Variants in PARVB observed in about 807,000 individuals in gnomAD.
The protein encoded by PARVB is parvin beta.
A neutral mutation model predicts 47.0 loss-of-function variants in PARVB; 46 were observed. That is an observed-to-expected ratio of 0.98 (90% CI 0.77 to 1.25). The LOEUF (loss-of-function observed/expected upper bound fraction) is 1.25, where lower values mean the gene tolerates loss of function less well. Among genes scored for constraint, PARVB ranks in the 50% most tolerant of loss-of-function variants. The probability of loss-of-function intolerance (pLI) is 0.00; values close to 1 mark genes in which losing one functional copy is unlikely to be tolerated. For synonymous variants in PARVB, 196 were observed against 196.3 expected (o/e 1.00, Z 0.01); for missense variants, 473 against 471.6 (o/e 1.00, Z -0.03).
At chr22:44,130,570 A>G (rs545433860) in intron 4 of PARVB, among the ~76,000 whole-genome samples, 23 of 152,326 alleles carry the variant, frequency 1.5e-4, no homozygotes, top group African/African-American at 5.1e-4. Context: ...TTCTGTGAAT[A>G]TCTAATCTAA....
chr22:43,999,439 G>A lies in PARVB; in HGVS notation c.71+28G>A. On this transcript the variant is annotated intron_variant, in intron 1 of 13. Transcript: ENST00000406477. ...GAGCTGTGATTTAAACAAAACGAAT[G>A]TTGTTAAAATCAGGTTGTACTCAGA... The A allele has an allele frequency of 1.9e-6, 3 of 1,595,328 alleles. No homozygotes were observed. In the South Asian group the frequency reaches 3.3e-5, roughly 18 times the overall value.
Position 44,096,110 on chromosome 22 carries a change from C to T in PARVB, c.202+2093C>T, listed in dbSNP as rs530364516. On this transcript the variant is annotated intron_variant, in intron 2 of 12. Transcript: ENST00000338758. ...TGTGGTGGCAAACACCTGAAATCCC[C>T]GCTACCTGGGAGGCTAAGTCAGGAG... Among the ~76,000 whole-genome samples, 7 of 152,250 alleles carry T rather than the reference C, an allele frequency of 4.6e-5. No homozygotes were observed. The East Asian group carries it at 5.8e-4, about 13-fold the overall frequency.
chr22:44,121,379 G>A (rs994047256), intron 4 of PARVB, among the ~76,000 whole-genome samples: 4 of 151,950 alleles, frequency 2.6e-5, no homozygotes, highest in African/African-American at 9.7e-5. Context: ...CCCATGATGC[G>A]CTCCCCATGA....
chr22:44,081,321 G>A (rs1279022650), intron 1 of PARVB, among the ~76,000 whole-genome samples: 1 of 152,174 alleles, frequency 6.6e-6, no homozygotes, highest in East Asian at 1.9e-4. Flanking sequence ...CTCCTGTTGG[G>A]GGAAGCTTTC....
chr22:44,164,575 G>C (rs1433046907), intron 12 of PARVB, among the ~76,000 whole-genome samples: 1 of 152,218 alleles, frequency 6.6e-6, no homozygotes, highest in Non-Finnish European at 1.5e-5. Context: ...GGGCAGAGCT[G>C]AACATTAAAG....
At chr22:44,056,854 G>A (rs2051320897) in intron 1 of PARVB, among the ~76,000 whole-genome samples, 1 of 151,298 alleles carries the variant, frequency 6.6e-6, no homozygotes, top group Non-Finnish European at 1.5e-5. Context: ...CTCAGGTGGT[G>A]AGGGTGACTG....
At chr22:44,077,921 C>T (rs563372087) in intron 1 of PARVB, among the ~76,000 whole-genome samples, 9 of 152,176 alleles carry the variant, frequency 5.9e-5, no homozygotes, top group Non-Finnish European at 1.2e-4. Context: ...TGGTTTCGAA[C>T]TCCTGACCTC....
At chr22:44,041,265 G>A (rs1296680591) in intron 1 of PARVB, among the ~76,000 whole-genome samples, 1 of 151,994 alleles carries the variant, frequency 6.6e-6, no homozygotes, top group Non-Finnish European at 1.5e-5. Context: ...GCCGAGGCGG[G>A]TGGATCACTT....
At chr22:44,151,028 T>TAAAAA in intron 9 of PARVB, 1 of 39,006 alleles carries the variant, frequency 2.6e-5, no homozygotes, top group African/African-American at 1.7e-4. Context: ...TGAGACTGTC[T>TAAAAA]CAAAAAAAAA....
chr22:44,026,891 G>A (rs1219786443), intron 1 of PARVB, among the ~76,000 whole-genome samples: 1 of 152,144 alleles, frequency 6.6e-6, no homozygotes, highest in African/African-American at 2.4e-5. Flanking sequence ...AGGCAGGGGT[G>A]TGACAAGGCA....
chr22:44,156,944 G>A (rs973137125), intron 10 of PARVB, among the ~76,000 whole-genome samples: 1 of 152,184 alleles, frequency 6.6e-6, no homozygotes, highest in African/African-American at 2.4e-5. Flanking sequence ...GGAGATGGGT[G>A]GTGGTGAGGG....
At chr22:44,027,114 G>T (rs1040248651) in intron 1 of PARVB, among the ~76,000 whole-genome samples, 2 of 152,216 alleles carry the variant, frequency 1.3e-5, no homozygotes, top group Admixed American at 6.5e-5. Context: ...ACGAACTGTG[G>T]GCATTCAGAA....
chr22:44,040,595 T>G (rs1284139555), intron 1 of PARVB, among the ~76,000 whole-genome samples: 1 of 152,126 alleles, frequency 6.6e-6, no homozygotes, highest in Non-Finnish European at 1.5e-5. Flanking sequence ...CTCTGAAAGC[T>G]GCAAAAGCCA....
intron 2 of PARVB, among the ~76,000 whole-genome samples, chr22:44,009,766 A>G (rs1481704467): frequency 6.6e-6 from 1 of 151,348 alleles, no homozygotes; most frequent in East Asian, 1.9e-4. Context: ...ATATATACAC[A>G]TATATATGCT....
chr22:44,100,118 G>A lies in PARVB; in HGVS notation c.268G>A (p.Val90Ile), dbSNP rs766284988. Residue 90 changes from valine (V) to isoleucine (I), a missense_variant, in exon 3 of 13, where the codon GTC becomes ATC. Val to Ile is a conservative substitution (Grantham distance 29, BLOSUM62 3). Coordinates refer to ENST00000338758, the MANE Select transcript of PARVB (RefSeq NM_013327.5). ...GGAAGACCCCAAGTTCAAGGAACTG[G>A]TCAAGGTAAGGAGCTCCGTCTTGGT... is the stretch of plus-strand genomic sequence containing the variant. Reference protein sequence around the residue: ...SKEDPKFKELVKVLLDWINDV... With the variant: ...SKEDPKFKELIKVLLDWINDV... 90 of 1,612,966 alleles carry A rather than the reference G, an allele frequency of 5.6e-5. 1 individual carries two copies. Among genetic ancestry groups the A allele is most frequent in the South Asian group, 3.4e-4 (31 of 91,074 alleles).
At chr22:44,136,335 C>A in intron 6 of PARVB, 125 bp from the exon 7 acceptor site, 1 of 844,560 alleles carries the variant, frequency 1.2e-6, no homozygotes, top group Non-Finnish European at 2.0e-6. Context: ...TTCAACACCA[C>A]CCCTCCTTCT....
At chr22:44,093,883 A>G in intron 1 of PARVB, 45 bp from the exon 2 acceptor site, 3 of 1,275,796 alleles carry the variant, frequency 2.4e-6, no homozygotes, top group Non-Finnish European at 3.4e-6. Flanking sequence ...AGGCCACGGC[A>G]CTCCGTGTAT....
chr22:44,141,857 AT>A (rs1221511760), intron 8 of PARVB: 1 of 152,250 alleles, frequency 6.6e-6, no homozygotes, highest in Non-Finnish European at 1.5e-5. Context: ...TGTCTCTATT[AT>A]TAAAAAACAA....
chr22:44,092,851 C>G (rs560711368), intron 1 of PARVB, among the ~76,000 whole-genome samples: 13 of 152,356 alleles, frequency 8.5e-5, no homozygotes, highest in Admixed American at 7.8e-4. Flanking sequence ...GCTGTGGAGG[C>G]TGGATGTCCA....
Sources: allele counts gnomAD v4.1 joint callset (sites outside exome capture counted in the v4.1 genomes callset), GRCh38; gene constraint gnomAD v4.1.1; transcripts MANE v1.5; gene names NCBI Gene and HGNC (gene_info 2026-07-23, HGNC 2026-07-21).